Variants in CAB39L observed in about 807,000 individuals in gnomAD.
CAB39L encodes calcium-binding protein 39-like.
Under a neutral mutation model 39.1 loss-of-function variants are expected in CAB39L, and 23 were observed. The ratio of observed to expected loss-of-function variants is 0.59; its 90% CI spans 0.42 to 0.83. CAB39L has a LOEUF of 0.83. Ranked by LOEUF, CAB39L falls within the 40% of genes least tolerant of loss-of-function variation. The pLI, the probability that CAB39L is intolerant of heterozygous loss-of-function variation, is 0.00. For missense variants in CAB39L, 366 were observed against 391.9 expected (o/e 0.93, Z 0.56); for synonymous variants, 126 against 137.2 (o/e 0.92, Z 0.57).
At chr13:49,425,012 A>G (rs1447081712) in intron 3 of CAB39L, among the ~76,000 whole-genome samples, 1 of 152,184 alleles carries the variant, frequency 6.6e-6, no homozygotes, top group African/African-American at 2.4e-5. Flanking sequence ...AAACACGGCC[A>G]AAAACTTTTC....
chr13:49,318,834 G>C (rs1304101650), intron 10 of CAB39L, among the ~76,000 whole-genome samples: 1 of 151,526 alleles, frequency 6.6e-6, no homozygotes, highest in Non-Finnish European at 1.5e-5. Context: ...GTGTAGTAGT[G>C]TTCATAGCAG....
chr13:49,361,128 G>A (rs1363957101), intron 5 of CAB39L, among the ~76,000 whole-genome samples: 1 of 152,060 alleles, frequency 6.6e-6, no homozygotes, highest in Non-Finnish European at 1.5e-5. Context: ...ATGCAAATAT[G>A]ACCATGCCAT....
intron 10 of CAB39L, among the ~76,000 whole-genome samples, chr13:49,314,404 C>T (rs75859880): frequency 3.9e-5 from 6 of 152,250 alleles, no homozygotes; most frequent in Admixed American, 1.3e-4. Flanking sequence ...TGTGGGGAGT[C>T]GTGCTTGCTG....
chr13:49,329,595 AT>A lies in CAB39L; in HGVS notation c.834+2351del, dbSNP rs1203531985. Among the ~76,000 whole-genome samples the A allele has an allele frequency of 1.7e-4, 21 of 126,390 alleles. 1 individual carries two copies. The highest frequency in any genetic ancestry group is 6.0e-4 in the African/African-American group (21 of 35,124). 82.9% of individuals were successfully genotyped at this position (126,390 alleles called of 152,430 possible). A position where few individuals can be genotyped will look rare whatever the true frequency, so the allele number is the denominator to read the frequency against. ...TATATATATATATATATATATATAT[AT>A]AATGATGTAATAAATATCTGGTGGC... On this transcript the variant is annotated intron_variant, in intron 10 of 10. Transcript: ENST00000409308.
chr13:49,377,846 G>A (rs1430686969), intron 4 of CAB39L, among the ~76,000 whole-genome samples: 1 of 93,574 alleles, frequency 1.1e-5, no homozygotes, highest in Admixed American at 9.3e-5. Context: ...CCTCTGCCTG[G>A]CTGCCCAGTC....
At position 49,331,928 on chromosome 13, in the gene CAB39L, C is replaced by T; in HGVS notation, c.834+19G>A. 6.2e-7 allele frequency: 1 copy of T among 1,612,312 alleles called. No individual in the cohort carries two copies. The highest frequency in any genetic ancestry group is 8.5e-7 in the Non-Finnish European group (1 of 1,178,880). On this transcript the variant is annotated intron_variant, in intron 10 of 10. Coordinates refer to ENST00000409308, the MANE Select transcript of CAB39L (RefSeq NM_001079670.3). ...AAAAAATTGCCTACAACATTGTTTC[C>T]AGAGCTTGTACTTTTTACCTTAAAA...
chr13:49,429,027 C>T (rs1192057373), intron 3 of CAB39L, among the ~76,000 whole-genome samples: 2 of 152,182 alleles, frequency 1.3e-5, no homozygotes, highest in Non-Finnish European at 2.9e-5. Context: ...ATATTCCTCA[C>T]TATAATTATA....
At chr13:49,332,592 T>C (rs1468427627) in intron 9 of CAB39L, among the ~76,000 whole-genome samples, 1 of 152,158 alleles carries the variant, frequency 6.6e-6, no homozygotes, top group Non-Finnish European at 1.5e-5. Flanking sequence ...ACCCCAAATC[T>C]GTATCAAATT....
intron 7 of CAB39L, among the ~76,000 whole-genome samples, chr13:49,345,231 C>A (rs1252074617): frequency 6.6e-6 from 1 of 152,132 alleles, no homozygotes. Flanking sequence ...AGAAGGTACA[C>A]AACATAACTT....
intron 10 of CAB39L, among the ~76,000 whole-genome samples, chr13:49,314,848 C>T (rs764335177): frequency 6.6e-6 from 1 of 152,214 alleles, no homozygotes; most frequent in Non-Finnish European, 1.5e-5. Flanking sequence ...TTAATGAGAA[C>T]AGTATATGTA....
chr13:49,370,239 G>T (rs1352401322), intron 5 of CAB39L, among the ~76,000 whole-genome samples: 1 of 152,048 alleles, frequency 6.6e-6, no homozygotes, highest in African/African-American at 2.4e-5. Flanking sequence ...CTACAAGCTA[G>T]CTCAAAGTTG....
intron 10 of CAB39L, among the ~76,000 whole-genome samples, chr13:49,311,646 C>T (rs967405707): frequency 1.1e-4 from 17 of 151,358 alleles, no homozygotes; most frequent in African/African-American, 2.9e-4. Context: ...CTGTGTAGGC[C>T]GAGGCTAATG....
chr13:49,329,582 TATATATATATATATAA>T (rs1954625672), intron 10 of CAB39L, among the ~76,000 whole-genome samples: 1 of 102,170 alleles, frequency 9.8e-6, no homozygotes, highest in Non-Finnish European at 1.9e-5. Context: ...TATATATATA[TATATATATATATATAA>T]TGATGTAATA....
At chr13:49,372,411 T>C (rs1299702847) in intron 5 of CAB39L, among the ~76,000 whole-genome samples, 1 of 152,144 alleles carries the variant, frequency 6.6e-6, no homozygotes, top group Non-Finnish European at 1.5e-5. Flanking sequence ...CCTACCCCAG[T>C]GGGCCACTTT....
At chr13:49,376,922 T>TAGATAGATAGATAGATAG in intron 5 of CAB39L, 45 bp downstream of exon 5, 3 of 1,102,858 alleles carry the variant, frequency 2.7e-6, no homozygotes, top group Admixed American at 2.6e-5. Flanking sequence ...TAGATAGATA[T>TAGATAGATAGATAGATAG]TAAAATTGAA....
intron 3 of CAB39L, among the ~76,000 whole-genome samples, chr13:49,430,715 G>C (rs1249172509): frequency 6.6e-6 from 1 of 152,182 alleles, no homozygotes; most frequent in Non-Finnish European, 1.5e-5. Context: ...TAGGTGAGTT[G>C]TCTGGTCTCA....
intron 6 of CAB39L, among the ~76,000 whole-genome samples, chr13:49,353,650 C>T (rs1955415421): frequency 6.6e-6 from 1 of 152,008 alleles, no homozygotes; most frequent in African/African-American, 2.4e-5. Flanking sequence ...TCTTTCTGCC[C>T]TTCACACTCA....
chr13:49,376,235 TC>T (rs1384888007), intron 5 of CAB39L, among the ~76,000 whole-genome samples: 1 of 152,154 alleles, frequency 6.6e-6, no homozygotes, highest in African/African-American at 2.4e-5. Flanking sequence ...CGAACAAAAT[TC>T]GTATTATGAT....
intron 7 of CAB39L, among the ~76,000 whole-genome samples, chr13:49,346,260 A>G (rs1955172403): frequency 6.7e-6 from 1 of 148,392 alleles, no homozygotes; most frequent in Non-Finnish European, 1.5e-5. Flanking sequence ...AACCACATAT[A>G]CATACACACA....
Sources: gnomAD v4.1 joint callset for allele counts (sites outside exome capture counted in the v4.1 genomes callset) on GRCh38, gnomAD v4.1.1 for gene constraint, MANE v1.5 for transcripts, NCBI Gene and HGNC (gene_info 2026-07-23, HGNC 2026-07-21) for gene names.